BACH2: variants seen among roughly 807,000 people sequenced by gnomAD.
The protein encoded by BACH2 is transcription regulator protein BACH2.
In BACH2, 5 loss-of-function variants were observed where a neutral mutation model predicts 61.8. The observed-to-expected ratio is 0.08, with a 90% CI of 0.04 to 0.17. The LOEUF (loss-of-function observed/expected upper bound fraction) is 0.17. Among genes scored for constraint, BACH2 ranks in the 10% least tolerant of loss-of-function variants. BACH2 has a pLI of 1.00. For synonymous variants in BACH2, 446 were observed against 440.1 expected (o/e 1.01, Z -0.17); for missense variants, 824 against 1,091.1 (o/e 0.76, Z 3.45).
intron 3 of BACH2, among the ~76,000 whole-genome samples, chr6:90,242,981 G>T (rs1178149494): frequency 6.6e-6 from 1 of 150,874 alleles, no homozygotes; most frequent in Non-Finnish European, 1.5e-5. Flanking sequence ...CCGAGTTCAA[G>T]CGATTCTCCT....
At chr6:90,146,766 G>C (rs547712725) in intron 4 of BACH2, among the ~76,000 whole-genome samples, 10 of 152,322 alleles carry the variant, frequency 6.6e-5, no homozygotes, top group African/African-American at 2.2e-4. Flanking sequence ...TTTACTAAAA[G>C]ATAGGATAAT....
At position 89,951,481 on chromosome 6, in the gene BACH2, C is replaced by T. The variant is rs1264963624; in HGVS notation, c.625G>A (p.Glu209Lys). 16 of 1,614,128 alleles carry T rather than the reference C, an allele frequency of 9.9e-6. No homozygotes were observed. The highest frequency in any genetic ancestry group is 2.7e-5 in the African/African-American group (2 of 74,942). ...TTGGTGTCTGTGGGCACGTCAGGCT[C>T]GGGCAGCAGGGCTTCTTCCTTCTCT... ...VAEKEEALLPEPDVPTDTKES... is the reference protein window; with the variant it reads ...VAEKEEALLPKPDVPTDTKES... Residue 209 changes from glutamate to lysine, a missense_variant, in exon 7 of 9, where the codon GAG becomes AAG. By Grantham distance (56) the Glu-to-Lys change is moderately conservative. This residue lies in a region of BACH2 where 19 missense variants were observed against 44.2 expected (regional missense o/e 0.43). Coordinates refer to ENST00000257749, the MANE Select transcript of BACH2 (RefSeq NM_021813.4). The surrounding 1 kb of genome is among the most constrained non-coding windows in gnomAD (Gnocchi z 6.4).
At chr6:90,236,267 T>C (rs1288550418) in intron 3 of BACH2, among the ~76,000 whole-genome samples, 1 of 152,222 alleles carries the variant, frequency 6.6e-6, no homozygotes, top group Non-Finnish European at 1.5e-5. Context: ...GTGCTCAAAA[T>C]GCTTTTTAGA....
intron 6 of BACH2, among the ~76,000 whole-genome samples, chr6:89,977,752 T>C (rs1775732197): frequency 6.6e-6 from 1 of 150,406 alleles, no homozygotes; most frequent in South Asian, 2.1e-4. Context: ...ATTGCTGAGA[T>C]ACAAGGCGGT....
chr6:90,270,827 T>C (rs896209057), intron 2 of BACH2, among the ~76,000 whole-genome samples: 1 of 152,084 alleles, frequency 6.6e-6, no homozygotes, highest in Non-Finnish European at 1.5e-5. Context: ...TTTCCAACTA[T>C]ACTACAAGGC....
In BACH2 at chr6:90,069,053, CAT is replaced by C. The variant is rs377282425; in HGVS notation, c.-13+19906_-13+19907del. Among the ~76,000 whole-genome samples, 124 of 152,252 alleles carry C rather than the reference CAT, an allele frequency of 8.1e-4. 2 individuals are homozygous for C. In the East Asian group the frequency reaches 0.015, roughly 18 times the overall value. The stretch of plus-strand genomic sequence containing the variant: ...CTTTCTGCTTTTACTGTTACTCCCA[CAT>C]TTACTGAACTAGATCTCATAAGGAT... On this transcript the variant is annotated intron_variant, in intron 5 of 8. Transcript: ENST00000257749.
intron 5 of BACH2, among the ~76,000 whole-genome samples, chr6:90,044,844 T>A (rs148313978): frequency 6.6e-6 from 1 of 152,212 alleles, no homozygotes; most frequent in African/African-American, 2.4e-5. Context: ...CAGAGGAGGA[T>A]CAGGTATGGG....
At position 90,279,131 on chromosome 6, in the gene BACH2, A is replaced by C. The variant is rs1771779582; in HGVS notation, c.-445-7190T>G. On this transcript the variant is annotated intron_variant, in intron 1 of 8. Transcript: ENST00000257749. ...ACTGGACAGACCAGGTTTAGAGTTC[A>C]AGCTAGAATATGTGATTTCAAACCA... Among the ~76,000 whole-genome samples, 3 of 152,160 alleles carry C rather than the reference A, an allele frequency of 2.0e-5. No homozygotes were observed. The South Asian group carries it at 6.2e-4, about 32-fold the overall frequency.
intron 6 of BACH2, among the ~76,000 whole-genome samples, chr6:90,002,319 G>A (rs1487599101): frequency 6.6e-6 from 1 of 152,130 alleles, no homozygotes; most frequent in Admixed American, 6.6e-5. Flanking sequence ...CTTCCTTGGT[G>A]ATCGTATGTA....
At chr6:90,188,693 A>C (rs1160340715) in intron 4 of BACH2, among the ~76,000 whole-genome samples, 1 of 151,396 alleles carries the variant, frequency 6.6e-6, no homozygotes, top group Non-Finnish European at 1.5e-5. Context: ...CTCCTACTGA[A>C]AAACTGGACA....
chr6:90,037,512 T>C (rs568663747), intron 5 of BACH2, among the ~76,000 whole-genome samples: 132 of 152,332 alleles, frequency 8.7e-4, no homozygotes, highest in African/African-American at 3.0e-3. Flanking sequence ...AGCTGAATTA[T>C]TGTCAAGGTG....
intron 4 of BACH2, among the ~76,000 whole-genome samples, chr6:90,126,378 C>A (rs1027185388): frequency 5.9e-5 from 9 of 152,194 alleles, no homozygotes; most frequent in African/African-American, 2.2e-4. Flanking sequence ...GTCAACAATG[C>A]TCTCAGTGCT....
chr6:89,968,457 TAAG>T (rs1461494532), intron 6 of BACH2, among the ~76,000 whole-genome samples: 2 of 152,280 alleles, frequency 1.3e-5, no homozygotes, highest in African/African-American at 4.8e-5. Flanking sequence ...TGTATTTTTT[TAAG>T]AAGGCAATAA....
intron 4 of BACH2, among the ~76,000 whole-genome samples, chr6:90,193,096 G>A (rs1768630821): frequency 6.6e-6 from 1 of 152,216 alleles, no homozygotes; most frequent in Middle Eastern, 3.2e-3. Flanking sequence ...CTCAACAAAG[G>A]AATATGAGAA....
At chr6:90,102,381 A>G (rs1782673167) in intron 4 of BACH2, among the ~76,000 whole-genome samples, 1 of 152,206 alleles carries the variant, frequency 6.6e-6, no homozygotes, top group Admixed American at 6.5e-5. Flanking sequence ...TTAAAGGGGT[A>G]TCATTCATTG....
chr6:90,139,808 A>C (rs112087171), intron 4 of BACH2, among the ~76,000 whole-genome samples: 2,025 of 152,290 alleles, frequency 0.013, 54 homozygotes, highest in African/African-American at 0.047. Flanking sequence ...AGACTAGAGA[A>C]GTAAAATGTA....
chr6:90,221,310 A>C (rs1212166527), intron 3 of BACH2, among the ~76,000 whole-genome samples: 3 of 152,186 alleles, frequency 2.0e-5, no homozygotes, highest in South Asian at 2.1e-4. Context: ...GAGAAAAAGG[A>C]GGCCATTTTA....
intron 4 of BACH2, among the ~76,000 whole-genome samples, chr6:90,111,878 T>G (rs112841): frequency 0.47 from 72,201 of 152,040 alleles, 17,705 homozygotes; most frequent in African/African-American, 0.54. Flanking sequence ...TTGGAACACA[T>G]CAGGTGATTA....
intron 4 of BACH2, among the ~76,000 whole-genome samples, chr6:90,151,256 C>A (rs1784802007): frequency 6.6e-6 from 1 of 152,056 alleles, no homozygotes; most frequent in African/African-American, 2.4e-5. Flanking sequence ...TTCGTGTGTC[C>A]CTTTCCTGAA....
Sources: allele counts gnomAD v4.1 joint callset (sites outside exome capture counted in the v4.1 genomes callset), GRCh38; gene constraint gnomAD v4.1.1; regional missense constraint gnomAD v4.1.1; non-coding constraint Gnocchi (gnomAD v3.1); transcripts MANE v1.5; gene names NCBI Gene and HGNC (gene_info 2026-07-23, HGNC 2026-07-21).